SIAH2: variants seen among roughly 807,000 people sequenced by gnomAD.
SIAH2 encodes siah E3 ubiquitin protein ligase 2, also known as E3 ubiquitin-protein ligase SIAH2.
SIAH2 carries 4 observed loss-of-function variants against 20.4 expected under a neutral mutation model. The observed-to-expected ratio is 0.20, with a 90% CI of 0.10 to 0.45. The LOEUF (loss-of-function observed/expected upper bound fraction) is 0.45. Ranked by LOEUF, SIAH2 falls within the 20% of genes least tolerant of loss-of-function variation. SIAH2 has a pLI of 0.99. For synonymous variants in SIAH2, 171 were observed against 192.5 expected (o/e 0.89, Z 0.93); for missense variants, 259 against 440.3 (o/e 0.59, Z 3.69).
chr3:150,759,754 G>A (rs1317948488), intron 1 of SIAH2, among the ~76,000 whole-genome samples: 1 of 151,968 alleles, frequency 6.6e-6, no homozygotes, highest in Non-Finnish European at 1.5e-5. Flanking sequence ...CAGATAGAGG[G>A]CATCCAATAA....
chr3:150,745,240 TACAC>T (rs5853495), intron 1 of SIAH2, among the ~76,000 whole-genome samples: 4,072 of 140,224 alleles, frequency 0.029, 97 homozygotes, highest in African/African-American at 0.073. Flanking sequence ...TTTAACCCCC[TACAC>T]ACACACACAC....
At position 150,741,407 on chromosome 3, in the gene SIAH2, C is replaced by T. The variant is rs1389735030; in HGVS notation, c.*734G>A. 1 of 152,540 alleles carries T rather than the reference C, an allele frequency of 6.6e-6. No individual in the cohort carries two copies. Among genetic ancestry groups the T allele is most frequent in the Non-Finnish European group, 1.5e-5 (1 of 68,034 alleles). The allele number at this position is 152,540 out of a possible 1,614,324, so 9.4% of individuals were successfully genotyped here. A position where few individuals can be genotyped will look rare whatever the true frequency, so the allele number is the denominator to read the frequency against. On this transcript the variant is annotated 3_prime_UTR_variant, in exon 2 of 2. Transcript: ENST00000312960. ...ATCCACCCAAAACATAGGTGAGTGG[C>T]CAAATCTCAGGCGTGCGTTCATGTG...
chr3:150,750,729 T>A (rs761353394), intron 1 of SIAH2, among the ~76,000 whole-genome samples: 9 of 152,196 alleles, frequency 5.9e-5, no homozygotes, highest in Non-Finnish European at 1.3e-4. Flanking sequence ...TGAGAAGGTT[T>A]ATAGCCTTTC....
chr3:150,758,568 C>CT (rs1714534797), intron 1 of SIAH2, among the ~76,000 whole-genome samples: 1 of 144,752 alleles, frequency 6.9e-6, no homozygotes, highest in Non-Finnish European at 1.5e-5. Context: ...TTAGACATTC[C>CT]ATTTTTTTTT....
chr3:150,749,972 C>T (rs1714321800), intron 1 of SIAH2, among the ~76,000 whole-genome samples: 1 of 152,070 alleles, frequency 6.6e-6, no homozygotes, highest in Non-Finnish European at 1.5e-5. Context: ...TTACTTAAGC[C>T]CCCTTTTTCT....
chr3:150,751,273 A>C (rs1282299955), intron 1 of SIAH2, among the ~76,000 whole-genome samples: 1 of 152,106 alleles, frequency 6.6e-6, no homozygotes, highest in Non-Finnish European at 1.5e-5. Flanking sequence ...CTCTACTACA[A>C]TACAAAAGAA....
chr3:150,745,383 G>A (rs1576580385), intron 1 of SIAH2, among the ~76,000 whole-genome samples: 1 of 152,142 alleles, frequency 6.6e-6, no homozygotes, highest in African/African-American at 2.4e-5. Flanking sequence ...CCAGGGATCC[G>A]AGGGAGGACT....
chr3:150,753,169 C>T (rs141792316), intron 1 of SIAH2, among the ~76,000 whole-genome samples: 1 of 152,288 alleles, frequency 6.6e-6, no homozygotes, highest in African/African-American at 2.4e-5. Context: ...CGGGCTCTGC[C>T]CTATTGGCAC....
At chr3:150,753,425 G>C (rs1309941340) in intron 1 of SIAH2, among the ~76,000 whole-genome samples, 1 of 152,184 alleles carries the variant, frequency 6.6e-6, no homozygotes, top group Non-Finnish European at 1.5e-5. Flanking sequence ...CCCAATGTCG[G>C]TGCTGCTGGG....
At chr3:150,760,660 C>T (rs746140931) in intron 1 of SIAH2, among the ~76,000 whole-genome samples, 29 of 152,202 alleles carry the variant, frequency 1.9e-4, no homozygotes, top group Non-Finnish European at 1.2e-4. Flanking sequence ...ATCAAATGCT[C>T]ATTTGTGAAC....
Position 150,762,645 on chromosome 3 carries a change from G to C in SIAH2, c.205C>G (p.Pro69Ala). 6.4e-7 allele frequency: 1 copy of C among 1,562,974 alleles called. No individual in the cohort carries two copies. ...GGGGGAGPVS[P>A]QHHELTSLFE... ...AGCGAGGTCAGCTCGTGGTGCTGCGGGGACACCGGGCCGGCCCCGCCGCCG... is the reference window on the plus strand; with the variant it reads ...AGCGAGGTCAGCTCGTGGTGCTGCGCGGACACCGGGCCGGCCCCGCCGCCG... The change falls in exon 1 of 2, where the codon CCG becomes GCG. Residue 69 changes from proline to alanine, a missense_variant. Coordinates refer to ENST00000312960, the MANE Select transcript of SIAH2 (RefSeq NM_005067.7). This position sits in a 1 kb window ranked among gnomAD's most constrained non-coding sequence, Gnocchi z 6.6.
intron 1 of SIAH2, among the ~76,000 whole-genome samples, chr3:150,758,770 T>C (rs1161024280): frequency 1.3e-5 from 2 of 149,772 alleles, no homozygotes; most frequent in Non-Finnish European, 3.0e-5. Context: ...GAGACTGAGT[T>C]TCACTCTTGT....
chr3:150,756,458 C>A (rs1004235750), intron 1 of SIAH2, among the ~76,000 whole-genome samples: 2 of 152,198 alleles, frequency 1.3e-5, no homozygotes, highest in Non-Finnish European at 2.9e-5. Context: ...AGTGAAGCCT[C>A]ACTATATTCA....
In SIAH2 at chr3:150,747,857, G is replaced by A. The variant is rs148338635; in HGVS notation, c.418-5159C>T. Among the ~76,000 whole-genome samples, 591 of 151,704 alleles carry A rather than the reference G, an allele frequency of 3.9e-3. 4 individuals carry two copies. Among genetic ancestry groups the A allele is most frequent in the African/African-American group, 0.013 (523 of 41,332 alleles). ...TGGGCACCTGTAATCCCAGCTACCCGGGAGGCTAAGGCAGGAGAATCACTT... is the reference window on the plus strand; with the variant it reads ...TGGGCACCTGTAATCCCAGCTACCCAGGAGGCTAAGGCAGGAGAATCACTT... On this transcript the variant is annotated intron_variant, in intron 1 of 1. Coordinates refer to ENST00000312960, the MANE Select transcript of SIAH2 (RefSeq NM_005067.7).
At chr3:150,755,238 T>C (rs1559937497) in intron 1 of SIAH2, among the ~76,000 whole-genome samples, 1 of 151,622 alleles carries the variant, frequency 6.6e-6, no homozygotes, top group African/African-American at 2.4e-5. Flanking sequence ...GACCCAAAGA[T>C]ACTATCTTTG....
At chr3:150,753,886 T>C (rs1401474961) in intron 1 of SIAH2, among the ~76,000 whole-genome samples, 1 of 152,076 alleles carries the variant, frequency 6.6e-6, no homozygotes, top group East Asian at 1.9e-4. Flanking sequence ...AGGAAATAAC[T>C]ATATTTTTGT....
intron 1 of SIAH2, among the ~76,000 whole-genome samples, chr3:150,745,336 C>T (rs1049136583): frequency 1.3e-5 from 2 of 151,712 alleles, no homozygotes; most frequent in African/African-American, 4.8e-5. Context: ...TGTCAGAGCA[C>T]CATGGGTGTT....
rs2108128050 is a variant in SIAH2, at chr3:150,762,299, G to A, written c.417+134C>T. The A allele has an allele frequency of 6.8e-7, 1 of 1,460,174 alleles. No homozygotes were observed. The highest frequency in any genetic ancestry group is 1.4e-5 in the African/African-American group (1 of 69,524). 90.5% of individuals were successfully genotyped at this position (1,460,174 alleles called of 1,614,324 possible). ...AAAGTGGGCTTGAGGGAGGGTGGAC[G>A]AAGTGTAAACATTTTTTCTTTTTTT... On this transcript the variant is annotated intron_variant, in intron 1 of 1. Coordinates refer to ENST00000312960, the MANE Select transcript of SIAH2 (RefSeq NM_005067.7). This position sits in a 1 kb window ranked among gnomAD's most constrained non-coding sequence, Gnocchi z 6.6.
At chr3:150,758,212 CTT>C (rs1240871174) in intron 1 of SIAH2, among the ~76,000 whole-genome samples, 5 of 152,164 alleles carry the variant, frequency 3.3e-5, no homozygotes, top group African/African-American at 1.2e-4. Context: ...ACAGAGAAGA[CTT>C]GTCCAGCTGA....
Sources: gnomAD v4.1 joint callset for allele counts (sites outside exome capture counted in the v4.1 genomes callset) on GRCh38, gnomAD v4.1.1 for gene constraint, Gnocchi (gnomAD v3.1) non-coding constraint, MANE v1.5 for transcripts, NCBI Gene and HGNC (gene_info 2026-07-23, HGNC 2026-07-21) for gene names.